RNASEH2A: variants seen among roughly 807,000 people sequenced by gnomAD.
RNASEH2A encodes the protein ribonuclease H2 subunit A, also known as RNase H(35).
Under a neutral mutation model 32.7 loss-of-function variants are expected in RNASEH2A, and 30 were observed. The ratio of observed to expected loss-of-function variants is 0.92; its 90% CI spans 0.69 to 1.25. The LOEUF (loss-of-function observed/expected upper bound fraction) is 1.25. RNASEH2A is among the 50% of genes most tolerant of loss of function. The pLI, the probability that RNASEH2A is intolerant of heterozygous loss-of-function variation, is 0.00. For missense variants in RNASEH2A, 409 were observed against 398.1 expected, an observed-to-expected ratio of 1.03 and a Z score of -0.23; for synonymous variants, 147 against 165.4, an observed-to-expected ratio of 0.89 and a Z score of 0.86.
rs142642923 is a variant in RNASEH2A at position 12,813,410 on chromosome 19, C to A, written c.844C>A (p.Arg282Ser). Reference sequence around the variant, plus strand: ...CAATGAAGGGTCCCAAGCCCGTCCCCGTTCTTCCCACCGATATTTCCTGGA... The same window carrying A: ...CAATGAAGGGTCCCAAGCCCGTCCCAGTTCTTCCCACCGATATTTCCTGGA... ...FLNEGSQARP[R>S]SSHRYFLERG... The change falls in exon 8 of 8, where the codon CGT becomes AGT. Residue 282 changes from arginine (R) to serine (S), a missense_variant. By Grantham distance (110) the Arg-to-Ser change is moderately radical. Coordinates refer to ENST00000221486, the MANE Select transcript of RNASEH2A (RefSeq NM_006397.3). 1.2e-5 allele frequency: 19 copies of A among 1,614,142 alleles called. No individual in the cohort carries two copies. Among genetic ancestry groups the A allele is most frequent in the Non-Finnish European group, 1.6e-5 (19 of 1,180,028 alleles).
chr19:12,810,716 G>A (rs1969060786), intron 6 of RNASEH2A, among the ~76,000 whole-genome samples: 3 of 152,046 alleles, frequency 2.0e-5, no homozygotes, highest in Admixed American at 1.3e-4. Context: ...TTTTAGTAGA[G>A]ACTAGTTTTC....
In RNASEH2A at chr19:12,810,178, G is replaced by A. The variant is rs761321776; in HGVS notation, c.519G>A (p.Pro173=). ...AGGCCAAAGCAGATGCCCTCTACCC[G>A]GTGGTTAGTGCTGCCAGCATCTGTG... ...TVKAKADALY[P]VVSAASICAK... Residue 173 remains proline, a synonymous_variant, in exon 5 of 8, where the codon CCG becomes CCA. Coordinates refer to ENST00000221486, the MANE Select transcript of RNASEH2A (RefSeq NM_006397.3). The A allele has an allele frequency of 6.2e-6, 10 of 1,614,088 alleles. No homozygotes were observed. Among genetic ancestry groups the A allele is most frequent in the African/African-American group, 4.0e-5 (3 of 74,938 alleles).
At chr19:12,808,740 CT>C (rs1969031501) in intron 4 of RNASEH2A, among the ~76,000 whole-genome samples, 2 of 152,166 alleles carry the variant, frequency 1.3e-5, no homozygotes, top group Admixed American at 6.6e-5. Flanking sequence ...CTCGAATGCT[CT>C]CAATGAAAGA....
rs1568386322 is a variant in RNASEH2A, at chr19:12,806,619, G to A, written c.-55G>A. On this transcript the variant is annotated 5_prime_UTR_variant, in exon 1 of 8. Transcript: ENST00000221486. ...TCGAGGCCCGCGGAAAACGCGCGCC[G>A]AGACCCGCTCCTGCAGTATTAGTTC... The A allele has an allele frequency of 6.4e-7, 1 of 1,554,602 alleles. No individual in the cohort carries two copies. The highest frequency in any genetic ancestry group is 1.2e-5 in the South Asian group (1 of 84,296).
intron 4 of RNASEH2A, among the ~76,000 whole-genome samples, chr19:12,809,532 G>A (rs1349769068): frequency 2.6e-5 from 4 of 152,262 alleles, no homozygotes; most frequent in Non-Finnish European, 4.4e-5. Context: ...TAGAAACAGG[G>A]TCTCCATATG....
In RNASEH2A at chr19:12,807,293, T is replaced by C. The variant is rs1425358483; in HGVS notation, c.287T>C (p.Leu96Pro). 1 of 1,614,070 alleles carries C rather than the reference T, an allele frequency of 6.2e-7. No homozygotes were observed. Among genetic ancestry groups the C allele is most frequent in the Non-Finnish European group, 8.5e-7 (1 of 1,180,046 alleles). Residue 96 changes from leucine (L) to proline (P), a missense_variant, in exon 3 of 8, where the codon CTG (leucine) becomes CCG (proline). Leu to Pro is a moderately conservative substitution (Grantham distance 98). Coordinates refer to ENST00000221486, the MANE Select transcript of RNASEH2A (RefSeq NM_006397.3). ...TTTGTCGGCTGGGCGCTGGATGTGC[T>C]GTCTCCAAACCTCATCTCTACCAGC... ...TDFVGWALDV[L>P]SPNLISTSML...
rs368438964 is a variant in RNASEH2A, at chr19:12,810,329, C to G, written c.562C>G (p.Gln188Glu). The G allele has an allele frequency of 1.9e-6, 3 of 1,614,024 alleles. No individual in the cohort carries two copies. The highest frequency in any genetic ancestry group is 2.5e-6 in the Non-Finnish European group (3 of 1,180,034). The change falls in exon 6 of 8, where the codon CAG becomes GAG. Residue 188 changes from glutamine (Q) to glutamate (E), a missense_variant. Physicochemically the swap from Gln to Glu is conservative, Grantham distance 29 (BLOSUM62 2). Transcript: ENST00000221486. ...ASICAKVARD[Q>E]AVKKWQFVEK... is the part of the protein sequence containing the mutation. ...GTTTTGCCCACAGGTGGCCCGGGAC[C>G]AGGCCGTGAAGAAATGGCAGTTCGT...
chr19:12,811,779 T>G (rs1969075789), intron 6 of RNASEH2A, among the ~76,000 whole-genome samples: 2 of 151,840 alleles, frequency 1.3e-5, no homozygotes, highest in African/African-American at 4.8e-5. Flanking sequence ...TAGCTGGACG[T>G]GGTGGCACAC....
At chr19:12,808,706 G>T (rs1456086147) in intron 4 of RNASEH2A, among the ~76,000 whole-genome samples, 1 of 152,182 alleles carries the variant, frequency 6.6e-6, no homozygotes, top group Non-Finnish European at 1.5e-5. Flanking sequence ...TAAATTACCA[G>T]AGAAAAACAT....
Position 12,810,188 on chromosome 19 carries a change from GC to G in RNASEH2A, c.530del (p.Ala177ValfsTer14). ...KADALYPVVS[A>X]ASICAKVARD... ...AGATGCCCTCTACCCGGTGGTTAGTGCTGCCAGCATCTGTGCCAAGGTCAGT... is the reference window on the plus strand; with the variant it reads ...AGATGCCCTCTACCCGGTGGTTAGTGTGCCAGCATCTGTGCCAAGGTCAGT... On this transcript the variant is annotated frameshift_variant, in exon 5 of 8. Coordinates refer to ENST00000221486, the MANE Select transcript of RNASEH2A (RefSeq NM_006397.3). LOFTEE classifies it high-confidence loss of function. 2 of 1,614,250 alleles carry G rather than the reference GC, an allele frequency of 1.2e-6. No individual in the cohort carries two copies. The highest frequency in any genetic ancestry group is 1.7e-6 in the Non-Finnish European group (2 of 1,180,050).
chr19:12,806,798 T>TAG lies in RNASEH2A; in HGVS notation c.125_126insAG (p.Pro44AlafsTer21), dbSNP rs1968997806. On this transcript the variant is annotated frameshift_variant and splice_region_variant, in exon 1 of 8. Transcript: ENST00000221486. LOFTEE classifies it high-confidence loss of function. Reference sequence around the variant, plus strand: ...GATGAGGCGGGCAGGGGCCCCGTGCTGGGTGCGCCCCTAGGGCCAGGGAGG... The same window carrying TAG: ...GATGAGGCGGGCAGGGGCCCCGTGCTAGGGGTGCGCCCCTAGGGCCAGGGAGG... 1.9e-6 allele frequency: 3 copies of TAG among 1,580,680 alleles called. No homozygotes were observed. In the East Asian group the frequency reaches 6.8e-5, roughly 36 times the overall value.
chr19:12,807,058 C>T lies in RNASEH2A; in HGVS notation c.178C>T (p.Leu60=). Residue 60 remains leucine (L), a synonymous_variant, in exon 2 of 8, where the codon CTG becomes TTG. Transcript: ENST00000221486. ...TTGTCCCCTGCCTCGCCTGGCAGAT[C>T]TGGAGGCGCTGAAAGTGGCAGGTGA... ...CYCPLPRLAD[L]EALKVADSKT... is the part of the protein sequence containing the mutation. The T allele has an allele frequency of 6.2e-7, 1 of 1,614,156 alleles. No individual in the cohort carries two copies. Among genetic ancestry groups the T allele is most frequent in the Non-Finnish European group, 8.5e-7 (1 of 1,180,030 alleles).
intron 6 of RNASEH2A, 80 bp downstream of exon 6, chr19:12,810,484 T>G: frequency 8.4e-7 from 1 of 1,194,564 alleles, no homozygotes; most frequent in Non-Finnish European, 1.2e-6. Context: ...TTTTTTCCTT[T>G]CTGTCATTTA....
chr19:12,812,090 T>C (rs1407802982), intron 6 of RNASEH2A, among the ~76,000 whole-genome samples: 1 of 151,492 alleles, frequency 6.6e-6, no homozygotes, highest in Non-Finnish European at 1.5e-5. Flanking sequence ...ATACAAAAAT[T>C]AGGTGTGGTG....
intron 4 of RNASEH2A, among the ~76,000 whole-genome samples, chr19:12,808,224 C>T (rs904276219): frequency 7.7e-4 from 117 of 152,172 alleles, no homozygotes; most frequent in African/African-American, 2.7e-3. Context: ...TGCACTCCAG[C>T]CTGGGGGACA....
In RNASEH2A at chr19:12,807,053, C is replaced by A; in HGVS notation, c.173C>A (p.Ala58Glu). 1 of 1,614,136 alleles carries A rather than the reference C, an allele frequency of 6.2e-7. No individual in the cohort carries two copies. The highest frequency in any genetic ancestry group is 8.5e-7 in the Non-Finnish European group (1 of 1,180,028). Residue 58 changes from alanine to glutamate, a missense_variant, in exon 2 of 8, where the codon GCA becomes GAA. Transcript: ENST00000221486. ...TGTTATTGTCCCCTGCCTCGCCTGG[C>A]AGATCTGGAGGCGCTGAAAGTGGCA... Reference protein sequence around the residue: ...AICYCPLPRLADLEALKVADS... With the variant: ...AICYCPLPRLEDLEALKVADS...
chr19:12,807,482 G>C lies in RNASEH2A; in HGVS notation c.387G>C (p.Leu129Phe). ...DTATGLIQYA[L>F]DQGVNVTQVF... Reference sequence around the variant, plus strand: ...CCACTGGGCTTATACAGTATGCATTGGACCAGGGCGTGAACGTCACCCAGG... The same window carrying C: ...CCACTGGGCTTATACAGTATGCATTCGACCAGGGCGTGAACGTCACCCAGG... The change falls in exon 4 of 8, where the codon TTG becomes TTC. Residue 129 changes from leucine (L) to phenylalanine (F), a missense_variant. Leu to Phe is a conservative substitution (Grantham distance 22, BLOSUM62 0). Coordinates refer to ENST00000221486, the MANE Select transcript of RNASEH2A (RefSeq NM_006397.3). 6.2e-7 allele frequency: 1 copy of C among 1,614,144 alleles called. No individual in the cohort carries two copies. The highest frequency in any genetic ancestry group is 8.5e-7 in the Non-Finnish European group (1 of 1,180,006).
At chr19:12,809,394 A>G (rs1220312679) in intron 4 of RNASEH2A, among the ~76,000 whole-genome samples, 1 of 152,186 alleles carries the variant, frequency 6.6e-6, no homozygotes, top group Non-Finnish European at 1.5e-5. Context: ...ACCTGGTCCC[A>G]GCTCAGGGCC....
rs751799260 is a variant in RNASEH2A, at chr19:12,806,997, C to G, written c.128-11C>G. 1 of 1,613,376 alleles carries G rather than the reference C, an allele frequency of 6.2e-7. No homozygotes were observed. Among genetic ancestry groups the G allele is most frequent in the African/African-American group, 1.3e-5 (1 of 75,028 alleles). ...CCCGGCTGCCAGAAAACTGACACCC[C>G]TTCTCCCCAGGCCCCATGGTCTACG... On this transcript the variant is annotated splice_polypyrimidine_tract_variant and intron_variant, in intron 1 of 7. Transcript: ENST00000221486.
Sources: allele counts gnomAD v4.1 joint callset (sites outside exome capture counted in the v4.1 genomes callset), GRCh38; gene constraint gnomAD v4.1.1; transcripts MANE v1.5; gene names NCBI Gene and HGNC (gene_info 2026-07-23, HGNC 2026-07-21).